PACS1: variants seen among roughly 807,000 people sequenced by gnomAD.
PACS1 encodes the protein PACS-1.
PACS1 carries 24 observed loss-of-function variants against 115.0 expected under a neutral mutation model. That is an observed-to-expected ratio of 0.21 (90% CI 0.15 to 0.29). PACS1 has a LOEUF of 0.29. Ranked by LOEUF, PACS1 falls within the 10% of genes least tolerant of loss-of-function variation. PACS1 has a pLI of 1.00. For missense variants in PACS1, 838 were observed against 1,251.2 expected (o/e 0.67, Z 4.98); for synonymous variants, 453 against 504.5 (o/e 0.90, Z 1.37).
intron 2 of PACS1, among the ~76,000 whole-genome samples, chr11:66,201,757 T>G (rs1854804401): frequency 6.6e-6 from 1 of 151,900 alleles, no homozygotes; most frequent in Non-Finnish European, 1.5e-5. Context: ...CCTCCCAGGT[T>G]CAAGTGATTC....
At chr11:66,162,210 C>T (rs1175487160) in intron 1 of PACS1, among the ~76,000 whole-genome samples, 2 of 147,120 alleles carry the variant, frequency 1.4e-5, no homozygotes, top group Non-Finnish European at 3.0e-5. Flanking sequence ...CAACCTCTGC[C>T]TCCCAGGTTC....
chr11:66,188,537 T>C (rs1359846214), intron 1 of PACS1, among the ~76,000 whole-genome samples: 1 of 152,204 alleles, frequency 6.6e-6, no homozygotes, highest in Admixed American at 6.5e-5. Context: ...GCCTTTATAA[T>C]TTTGCTGTAA....
At chr11:66,155,317 G>A (rs915081683) in intron 1 of PACS1, among the ~76,000 whole-genome samples, 6 of 152,048 alleles carry the variant, frequency 3.9e-5, no homozygotes, top group African/African-American at 1.4e-4. Context: ...TTTTCAGAAA[G>A]GAATGAAGAA....
chr11:66,169,072 C>CA (rs1168961338), intron 1 of PACS1, among the ~76,000 whole-genome samples: 1 of 150,484 alleles, frequency 6.6e-6, no homozygotes, highest in East Asian at 1.9e-4. Flanking sequence ...CTAGTCTTGA[C>CA]AACAGTATAA....
At chr11:66,145,632 AT>A (rs1859104716) in intron 1 of PACS1, among the ~76,000 whole-genome samples, 1 of 152,204 alleles carries the variant, frequency 6.6e-6, no homozygotes, top group Non-Finnish European at 1.5e-5. Flanking sequence ...CATGGTACCC[AT>A]TTGTCCCTGG....
rs892512205 is a variant in PACS1 at position 66,070,322 on chromosome 11, G to A, written c.-165G>A. On this transcript the variant is annotated 5_prime_UTR_variant, in exon 1 of 24. Transcript: ENST00000320580. This position sits in a 1 kb window ranked among gnomAD's most constrained non-coding sequence, Gnocchi z 5.9. ...ACAGGCAGCGGCGGTCGAGCGCGAGGCCCGCGCGCCCAGAGGCCCCGCGCG... is the reference window on the plus strand; with the variant it reads ...ACAGGCAGCGGCGGTCGAGCGCGAGACCCGCGCGCCCAGAGGCCCCGCGCG... The A allele has an allele frequency of 4.4e-6, 1 of 226,906 alleles. No homozygotes were observed. The highest frequency in any genetic ancestry group is 8.0e-6 in the Non-Finnish European group (1 of 124,454). The allele number at this position is 226,906 out of a possible 1,614,324, so 14.1% of individuals were successfully genotyped here.
At chr11:66,076,182 A>T (rs1296686611) in intron 1 of PACS1, among the ~76,000 whole-genome samples, 1 of 152,226 alleles carries the variant, frequency 6.6e-6, no homozygotes, top group African/African-American at 2.4e-5. Context: ...AAAGATAATG[A>T]CTTTCACAGA....
At chr11:66,212,375 G>T (rs1203615) in intron 4 of PACS1, among the ~76,000 whole-genome samples, 1 of 149,874 alleles carries the variant, frequency 6.7e-6, no homozygotes, top group African/African-American at 2.5e-5. Flanking sequence ...CTTGTGATCC[G>T]CCCGCCTTGG....
chr11:66,078,010 G>A (rs1857424356), intron 1 of PACS1, among the ~76,000 whole-genome samples: 1 of 152,102 alleles, frequency 6.6e-6, no homozygotes, highest in South Asian at 2.1e-4. Flanking sequence ...CCAACTGTAA[G>A]GTTTTTAAGG....
chr11:66,115,591 TA>T (rs1233361813), intron 1 of PACS1, among the ~76,000 whole-genome samples: 1 of 152,210 alleles, frequency 6.6e-6, no homozygotes, highest in East Asian at 1.9e-4. Flanking sequence ...CCACATGAGG[TA>T]AGTATATTTC....
In PACS1 at chr11:66,117,085, C is replaced by T. The variant is rs570179299; in HGVS notation, c.356+46243C>T. Among the ~76,000 whole-genome samples, 120 of 151,944 alleles carry T rather than the reference C, an allele frequency of 7.9e-4. 5 individuals are homozygous for T. The highest frequency in any genetic ancestry group is 2.9e-3 in the African/African-American group (119 of 41,348). ...ATTATAAATTGTTTCCTTTTAAAAA[C>T]GATGTGTATTATGCATTAAAGCATT... On this transcript the variant is annotated intron_variant, in intron 1 of 23. Coordinates refer to ENST00000320580, the MANE Select transcript of PACS1 (RefSeq NM_018026.4).
At chr11:66,082,621 G>A (rs1857505413) in intron 1 of PACS1, among the ~76,000 whole-genome samples, 5 of 152,224 alleles carry the variant, frequency 3.3e-5, no homozygotes, top group Admixed American at 3.3e-4. Flanking sequence ...CAGCACTTTG[G>A]GAGGCCGAGG....
Position 66,216,274 on chromosome 11 carries a change from T to C in PACS1, c.805+11T>C. 6.2e-7 allele frequency: 1 copy of C among 1,613,904 alleles called. No individual in the cohort carries two copies. Among genetic ancestry groups the C allele is most frequent in the Non-Finnish European group, 8.5e-7 (1 of 1,179,908 alleles). On this transcript the variant is annotated intron_variant, in intron 5 of 23. Coordinates refer to ENST00000320580, the MANE Select transcript of PACS1 (RefSeq NM_018026.4). ...AATCCAAGCTTTCTGGTAAGAAGCA[T>C]GCAGCATCTGGAGACCCTACGAAGA...
Position 66,070,970 on chromosome 11 carries a change from C to A in PACS1, c.356+128C>A. 9.9e-7 allele frequency: 1 copy of A among 1,007,780 alleles called. No individual in the cohort carries two copies. The highest frequency in any genetic ancestry group is 2.4e-5 in the South Asian group (1 of 42,000). The allele number at this position is 1,007,780 out of a possible 1,614,324, so 62.4% of individuals were successfully genotyped here. ...CCGACTGTCCCGCGGCCCGGCCTGG[C>A]TCCAGCCAGGCCTCCCGGGACTCCT... On this transcript the variant is annotated intron_variant, in intron 1 of 23. Transcript: ENST00000320580. The surrounding 1 kb of genome is among the most constrained non-coding windows in gnomAD (Gnocchi z 5.9).
chr11:66,073,163 A>G (rs1317151669), intron 1 of PACS1, among the ~76,000 whole-genome samples: 2 of 152,224 alleles, frequency 1.3e-5, no homozygotes, highest in Non-Finnish European at 2.9e-5. Flanking sequence ...TCCTTGTGGA[A>G]CACATGTGCT....
At chr11:66,126,875 G>A (rs1858586203) in intron 1 of PACS1, among the ~76,000 whole-genome samples, 1 of 151,990 alleles carries the variant, frequency 6.6e-6, no homozygotes, top group African/African-American at 2.4e-5. Context: ...GGAGGTGACT[G>A]GCAGCAAGGG....
chr11:66,202,741 AAATATATATATATATATATATAT>A lies in PACS1; in HGVS notation c.445-7619_445-7597del, dbSNP rs1477227523. 1.9e-3 allele frequency among the ~76,000 whole-genome samples: 174 copies of A among 93,872 alleles called. 18 individuals are homozygous for A. The highest frequency in any genetic ancestry group is 7.3e-3 in the African/African-American group (153 of 20,914). 61.6% of individuals were successfully genotyped at this position (93,872 alleles called of 152,430 possible). A position where few individuals can be genotyped will look rare whatever the true frequency, so the allele number is the denominator to read the frequency against. ...TCATCTCTAGGAAAAAAAAAAAAAA[AAATATATATATATATATATATAT>A]ATATATATATATATATATTCTGAAA... On this transcript the variant is annotated intron_variant, in intron 2 of 23. Coordinates refer to ENST00000320580, the MANE Select transcript of PACS1 (RefSeq NM_018026.4).
At chr11:66,241,861 C>G (rs774196860) in intron 22 of PACS1, among the ~76,000 whole-genome samples, 1 of 152,180 alleles carries the variant, frequency 6.6e-6, no homozygotes, top group African/African-American at 2.4e-5. Context: ...TGCAGAGAGT[C>G]GCTTGGTCAC....
At chr11:66,139,002 G>A (rs894008125) in intron 1 of PACS1, among the ~76,000 whole-genome samples, 2 of 151,986 alleles carry the variant, frequency 1.3e-5, no homozygotes, top group Admixed American at 6.6e-5. Context: ...TTTTAAACAG[G>A]TTCCCCAGGC....
Sources: gnomAD v4.1 joint callset for allele counts (sites outside exome capture counted in the v4.1 genomes callset) on GRCh38, gnomAD v4.1.1 for gene constraint, Gnocchi (gnomAD v3.1) non-coding constraint, MANE v1.5 for transcripts, NCBI Gene and HGNC (gene_info 2026-07-23, HGNC 2026-07-21) for gene names.